AP4S1: variants seen among roughly 807,000 people sequenced by gnomAD.
AP4S1 encodes AP-4 complex subunit sigma-1.
In AP4S1, 23 loss-of-function variants were observed where a neutral mutation model predicts 19.8. The observed-to-expected ratio is 1.16, with a 90% confidence interval of 0.84 to 1.65. The LOEUF (loss-of-function observed/expected upper bound fraction) is 1.65, where lower values mean the gene tolerates loss of function less well. AP4S1 is among the 40% of genes most tolerant of loss of function. The pLI is 0.00. For synonymous variants in AP4S1, 46 were observed against 54.1 expected, an observed-to-expected ratio of 0.85 and a Z score of 0.66; for missense variants, 166 against 172.8, an observed-to-expected ratio of 0.96 and a Z score of 0.22.
chr14:31,027,163 G>A (rs1297899065), intron 1 of AP4S1: 2 of 152,168 alleles, frequency 1.3e-5, no homozygotes, highest in Middle Eastern at 3.2e-3. Flanking sequence ...AGAAGAAGAG[G>A]TAGTGAATTC....
chr14:31,055,459 C>T (rs1392894234), intron 1 of AP4S1, among the ~76,000 whole-genome samples: 1 of 152,146 alleles, frequency 6.6e-6, no homozygotes, highest in Non-Finnish European at 1.5e-5. Context: ...TTAATTCTCA[C>T]AACAACCTAG....
chr14:31,081,706 T>G (rs1319696092), intron 5 of AP4S1, among the ~76,000 whole-genome samples: 1 of 150,140 alleles, frequency 6.7e-6, no homozygotes, highest in Non-Finnish European at 1.5e-5. Flanking sequence ...ATAACAATGT[T>G]TATGTGTATA....
At chr14:31,073,096 T>A in intron 4 of AP4S1, 123 bp downstream of exon 4, 1 of 828,056 alleles carries the variant, frequency 1.2e-6, no homozygotes, top group Non-Finnish European at 2.0e-6. Flanking sequence ...AGTTAAAACT[T>A]AAGTGATGCC....
chr14:31,029,465 A>G (rs532792457), intron 1 of AP4S1, among the ~76,000 whole-genome samples: 2 of 152,322 alleles, frequency 1.3e-5, no homozygotes, highest in African/African-American at 2.4e-5. Flanking sequence ...CCTCAAATGT[A>G]TAATGCTATT....
chr14:31,076,818 A>G (rs1887382997), intron 4 of AP4S1, among the ~76,000 whole-genome samples: 1 of 151,774 alleles, frequency 6.6e-6, no homozygotes, highest in Non-Finnish European at 1.5e-5. Context: ...CAAGTTCGAA[A>G]CTCACCAGTC....
chr14:31,030,833 G>C (rs1244383517), intron 1 of AP4S1, among the ~76,000 whole-genome samples: 1 of 152,102 alleles, frequency 6.6e-6, no homozygotes, highest in Non-Finnish European at 1.5e-5. Context: ...GATCCGTCTT[G>C]AAACTACCTT....
At chr14:31,053,207 T>G (rs1594659091) in intron 1 of AP4S1, among the ~76,000 whole-genome samples, 1 of 152,082 alleles carries the variant, frequency 6.6e-6, no homozygotes, top group African/African-American at 2.4e-5. Flanking sequence ...TCCCAAAGTG[T>G]TGGGATTACA....
At chr14:31,067,077 T>G (rs1886757834) in intron 2 of AP4S1, among the ~76,000 whole-genome samples, 1 of 151,938 alleles carries the variant, frequency 6.6e-6, no homozygotes. Flanking sequence ...TGGGCGTAAT[T>G]GTGCACAACT....
At position 31,066,239 on chromosome 14, in the gene AP4S1, C is replaced by T. The variant is rs754944359; in HGVS notation, c.43C>T (p.Arg15Ter). 7 of 1,613,822 alleles carry T rather than the reference C, an allele frequency of 4.3e-6. No individual in the cohort carries two copies. The highest frequency in any genetic ancestry group is 4.0e-5 in the African/African-American group (3 of 74,906). ...FLMVNKQGQT[R>*]LSKYYEHVDI... ...CATGGTGAATAAACAAGGGCAGACTCGACTTTCTAAGTACTATGAACATGT... is the reference window on the plus strand; with the variant it reads ...CATGGTGAATAAACAAGGGCAGACTTGACTTTCTAAGTACTATGAACATGT... The change falls in exon 2 of 6, where the codon CGA becomes TGA. Residue 15 changes from arginine (R) to a stop codon, truncating the protein, a stop_gained. Transcript: ENST00000542754. LOFTEE classifies it high-confidence loss of function.
chr14:31,047,885 C>T (rs1885513364), intron 1 of AP4S1, among the ~76,000 whole-genome samples: 1 of 152,102 alleles, frequency 6.6e-6, no homozygotes, highest in African/African-American at 2.4e-5. Flanking sequence ...CCATGTTGGC[C>T]AGACTGTTCT....
At chr14:31,030,103 C>T (rs1884301743) in intron 1 of AP4S1, among the ~76,000 whole-genome samples, 1 of 152,068 alleles carries the variant, frequency 6.6e-6, no homozygotes, top group Non-Finnish European at 1.5e-5. Context: ...ACCTCAGCCT[C>T]CTAAGTAGCT....
chr14:31,076,748 T>A (rs1417930959), intron 4 of AP4S1, among the ~76,000 whole-genome samples: 1 of 152,194 alleles, frequency 6.6e-6, no homozygotes, highest in Non-Finnish European at 1.5e-5. Context: ...TTTGTTCCAT[T>A]GATCTCTGTG....
intron 1 of AP4S1, among the ~76,000 whole-genome samples, chr14:31,062,425 A>G (rs1177138654): frequency 6.6e-6 from 1 of 152,094 alleles, no homozygotes; most frequent in Admixed American, 6.6e-5. Context: ...AAAGGACCTT[A>G]GGAATCACCC....
chr14:31,090,432 T>TC (rs1473848424), intron 5 of AP4S1, among the ~76,000 whole-genome samples: 1 of 152,232 alleles, frequency 6.6e-6, no homozygotes, highest in African/African-American at 2.4e-5. Context: ...CTTCAGTAAC[T>TC]CCGCTCTTTG....
At chr14:31,050,714 T>C (rs1885741803) in intron 1 of AP4S1, among the ~76,000 whole-genome samples, 1 of 152,196 alleles carries the variant, frequency 6.6e-6, no homozygotes, top group South Asian at 2.1e-4. Context: ...GTATCAAATA[T>C]AACAAATTAA....
intron 1 of AP4S1, among the ~76,000 whole-genome samples, chr14:31,047,443 A>G (rs1460338023): frequency 1.4e-5 from 2 of 141,804 alleles, no homozygotes; most frequent in African/African-American, 2.7e-5. Context: ...GCTGGAGTGC[A>G]GTGGCGCGAT....
chr14:31,029,022 C>T (rs762580708), intron 1 of AP4S1, among the ~76,000 whole-genome samples: 1 of 152,068 alleles, frequency 6.6e-6, no homozygotes, highest in East Asian at 1.9e-4. Context: ...TTTTTGTCTC[C>T]TCACCTACCC....
rs145229180 is a variant in AP4S1, at chr14:31,061,881, C to G, written c.-71-4245C>G. ...GGTCTCAATCTCCTGACCTCATGATCCGCCCGCCTCGGCCTCCCAAATTCG... is the reference window on the plus strand; with the variant it reads ...GGTCTCAATCTCCTGACCTCATGATGCGCCCGCCTCGGCCTCCCAAATTCG... On this transcript the variant is annotated intron_variant, in intron 1 of 5. Coordinates refer to ENST00000542754, the MANE Select transcript of AP4S1 (RefSeq NM_001128126.3). Among the ~76,000 whole-genome samples the G allele has an allele frequency of 6.9e-4, 105 of 152,122 alleles. No homozygotes were observed. The East Asian group carries it at 0.017, about 25-fold the overall frequency.
chr14:31,033,967 G>T (rs897263767), intron 1 of AP4S1, among the ~76,000 whole-genome samples: 4 of 152,162 alleles, frequency 2.6e-5, no homozygotes, highest in African/African-American at 9.7e-5. Context: ...GAAAAAGAAA[G>T]GATTGCCTGG....
Sources: gnomAD v4.1 joint callset for allele counts (sites outside exome capture counted in the v4.1 genomes callset) on GRCh38, gnomAD v4.1.1 for gene constraint, MANE v1.5 for transcripts, NCBI Gene and HGNC (gene_info 2026-07-23, HGNC 2026-07-21) for gene names.